Variants in LINGO2 observed in about 807,000 individuals in gnomAD.
LINGO2 encodes the protein leucine rich repeat and Ig domain containing 2, also known as leucine-rich repeat and immunoglobulin-like domain-containing nogo receptor-interacting protein 2.
Under a neutral mutation model 30.6 loss-of-function variants are expected in LINGO2, and 14 were observed. That is an observed-to-expected ratio of 0.46 (90% CI 0.30 to 0.72). LINGO2 has a LOEUF of 0.72. Among genes scored for constraint, LINGO2 ranks in the 30% least tolerant of loss-of-function variants. The probability of loss-of-function intolerance (pLI) is 0.07; values close to 1 mark genes in which losing one functional copy is unlikely to be tolerated. For missense variants in LINGO2, 729 were observed against 751.7 expected (o/e 0.97, Z 0.35); for synonymous variants, 317 against 288.5 (o/e 1.10, Z -1.00).
At chr9:28,720,576 A>C in the LINGO2 span, among the ~76,000 whole-genome samples, 1 of 152,100 alleles carries the variant, frequency 6.6e-6, no homozygotes, top group Admixed American at 6.6e-5. Flanking sequence ...ATGTTTTTTA[A>C]CACTAAATAT....
At chr9:28,491,166 G>T (rs755266375) in intron 1 of LINGO2, among the ~76,000 whole-genome samples, 4 of 152,174 alleles carry the variant, frequency 2.6e-5, no homozygotes, top group Non-Finnish European at 5.9e-5. Flanking sequence ...AGCTCTGGAA[G>T]TAAGAAGTCT....
At chr9:28,040,425 T>C (rs1365375257) in intron 4 of LINGO2, among the ~76,000 whole-genome samples, 3 of 116,158 alleles carry the variant, frequency 2.6e-5, no homozygotes, top group African/African-American at 3.7e-5. Flanking sequence ...CAGCTTGAAG[T>C]TTTTTTTTTT....
chr9:28,847,261 C>A, the LINGO2 span, among the ~76,000 whole-genome samples: 1 of 148,096 alleles, frequency 6.8e-6, no homozygotes, highest in African/African-American at 2.5e-5. Context: ...AAACAGATAT[C>A]TTTATTATCA....
At chr9:29,005,884 GT>G in the LINGO2 span, among the ~76,000 whole-genome samples, 1 of 151,826 alleles carries the variant, frequency 6.6e-6, no homozygotes, top group Non-Finnish European at 1.5e-5. Context: ...TGTTATTATT[GT>G]TGTATTTTTA....
At chr9:28,973,177 C>T in the LINGO2 span, among the ~76,000 whole-genome samples, 1 of 151,850 alleles carries the variant, frequency 6.6e-6, no homozygotes, top group African/African-American at 2.4e-5. Flanking sequence ...TCCAAATCCA[C>T]GAAGGTTATA....
intron 1 of LINGO2, among the ~76,000 whole-genome samples, chr9:28,601,069 T>TAA (rs1446827621): frequency 2.0e-5 from 3 of 152,082 alleles, no homozygotes; most frequent in Non-Finnish European, 4.4e-5. Context: ...GAAAATCACA[T>TAA]AAAGTTTTCT....
chr9:28,641,837 G>A (rs748310561), intron 1 of LINGO2, among the ~76,000 whole-genome samples: 6 of 152,086 alleles, frequency 3.9e-5, no homozygotes, highest in East Asian at 3.9e-4. Flanking sequence ...TTTTACCAGC[G>A]TTCCATTAAT....
At chr9:28,047,097 G>A (rs1196364067) in intron 4 of LINGO2, among the ~76,000 whole-genome samples, 1 of 152,132 alleles carries the variant, frequency 6.6e-6, no homozygotes, top group Non-Finnish European at 1.5e-5. Context: ...AATAGATTAA[G>A]AGAGCAATCA....
the LINGO2 span, among the ~76,000 whole-genome samples, chr9:28,886,505 T>TACC: frequency 7.9e-5 from 12 of 152,214 alleles, no homozygotes; most frequent in Middle Eastern, 3.4e-3. Context: ...AAATGAAACT[T>TACC]TAATTAGAGT....
At chr9:29,059,600 C>T in the LINGO2 span, among the ~76,000 whole-genome samples, 1 of 151,454 alleles carries the variant, frequency 6.6e-6, no homozygotes, top group Non-Finnish European at 1.5e-5. Flanking sequence ...TGATTTTCAA[C>T]GAAGGTATCA....
intron 1 of LINGO2, among the ~76,000 whole-genome samples, chr9:28,641,596 G>A (rs1827583198): frequency 6.6e-6 from 1 of 152,178 alleles, no homozygotes; most frequent in Non-Finnish European, 1.5e-5. Context: ...CTTTCACTTT[G>A]TAGGAAAATC....
chr9:28,716,833 C>T, the LINGO2 span, among the ~76,000 whole-genome samples: 4 of 152,092 alleles, frequency 2.6e-5, no homozygotes, highest in African/African-American at 2.4e-5. Flanking sequence ...TGCTATTAAA[C>T]TTAGTGTATA....
intron 4 of LINGO2, among the ~76,000 whole-genome samples, chr9:28,164,010 A>G (rs1340446418): frequency 6.6e-6 from 1 of 152,216 alleles, no homozygotes; most frequent in Non-Finnish European, 1.5e-5. Context: ...CTGCAATTTT[A>G]TCTAAAGTCA....
chr9:29,023,933 T>G, the LINGO2 span, among the ~76,000 whole-genome samples: 5 of 152,090 alleles, frequency 3.3e-5, no homozygotes, highest in Non-Finnish European at 7.4e-5. Flanking sequence ...ATGAAGCACT[T>G]TTTTTTCCAA....
the LINGO2 span, among the ~76,000 whole-genome samples, chr9:29,168,223 C>A: frequency 1.3e-5 from 2 of 151,044 alleles, no homozygotes; most frequent in African/African-American, 2.4e-5. Context: ...GAAGACTTTT[C>A]TTACATAAAT....
intron 1 of LINGO2, among the ~76,000 whole-genome samples, chr9:28,563,903 C>G (rs1263377185): frequency 6.6e-6 from 1 of 152,040 alleles, no homozygotes; most frequent in African/African-American, 2.4e-5. Flanking sequence ...GATAGTTAGA[C>G]CCCTCCTACC....
the LINGO2 span, among the ~76,000 whole-genome samples, chr9:29,055,958 G>GTGTATATATATATA: frequency 1.3e-5 from 1 of 75,494 alleles, no homozygotes; most frequent in African/African-American, 4.6e-5. Flanking sequence ...ACATATATAT[G>GTGTATATATATATA]TACATGTATA....
the LINGO2 span, among the ~76,000 whole-genome samples, chr9:28,813,845 T>C: frequency 2.6e-5 from 4 of 152,304 alleles, no homozygotes; most frequent in South Asian, 8.3e-4. Flanking sequence ...GTTAGTGAGA[T>C]AGTTTCCTTT....
intron 2 of LINGO2, among the ~76,000 whole-genome samples, chr9:28,426,739 G>A (rs554571666): frequency 1.3e-5 from 2 of 152,024 alleles, no homozygotes. Flanking sequence ...ATAGTCTAAG[G>A]TTGTTTAAAG....
Sources: allele counts gnomAD v4.1 joint callset (sites outside exome capture counted in the v4.1 genomes callset), GRCh38; gene constraint gnomAD v4.1.1; transcripts MANE v1.5; gene names NCBI Gene and HGNC (gene_info 2026-07-23, HGNC 2026-07-21).